Variants in NRXN1 observed in about 807,000 individuals in gnomAD.
NRXN1 encodes the protein neurexin-1.
A neutral mutation model predicts 150.9 loss-of-function variants in NRXN1; 39 were observed. The ratio of observed to expected loss-of-function variants is 0.26; its 90% confidence interval spans 0.20 to 0.34. The LOEUF (loss-of-function observed/expected upper bound fraction) is 0.34, where lower values mean the gene tolerates loss of function less well. Ranked by LOEUF, NRXN1 falls within the 10% of genes least tolerant of loss-of-function variation. The pLI is 1.00. For missense variants in NRXN1, 1,815 were observed against 1,949.9 expected (o/e 0.93, Z 1.30); for synonymous variants, 924 against 757.0 (o/e 1.22, Z -3.62).
At chr2:50,180,211 GAC>G (rs939239935) in intron 18 of NRXN1, among the ~76,000 whole-genome samples, 2 of 151,866 alleles carry the variant, frequency 1.3e-5, no homozygotes, top group African/African-American at 4.8e-5. Flanking sequence ...AATTTGTAGA[GAC>G]ACGGTCTTGC....
At chr2:50,412,568 T>G (rs1253778472) in intron 17 of NRXN1, among the ~76,000 whole-genome samples, 6 of 152,070 alleles carry the variant, frequency 3.9e-5, no homozygotes, top group South Asian at 2.1e-4. Flanking sequence ...TCACTCTTTA[T>G]AAAATTCATT....
At chr2:50,844,974 C>A (rs531434772) in intron 5 of NRXN1, among the ~76,000 whole-genome samples, 1 of 152,082 alleles carries the variant, frequency 6.6e-6, no homozygotes, top group Non-Finnish European at 1.5e-5. Context: ...CCACCTCAGC[C>A]TCTCAAGTAG....
intron 5 of NRXN1, among the ~76,000 whole-genome samples, chr2:50,667,055 T>C (rs1458963209): frequency 6.6e-6 from 1 of 151,982 alleles, no homozygotes; most frequent in African/African-American, 2.4e-5. Context: ...TTTATTACCA[T>C]ATACTTCTTC....
At chr2:50,099,225 T>C (rs1460256578) in intron 18 of NRXN1, among the ~76,000 whole-genome samples, 1 of 152,076 alleles carries the variant, frequency 6.6e-6, no homozygotes, top group East Asian at 1.9e-4. Context: ...TATATGCCCA[T>C]TTCAACCCCT....
intron 12 of NRXN1, among the ~76,000 whole-genome samples, chr2:50,527,992 C>A (rs1234000938): frequency 6.6e-6 from 1 of 152,100 alleles, no homozygotes; most frequent in Non-Finnish European, 1.5e-5. Context: ...GTCCTTATAT[C>A]CTTTCAGATT....
chr2:50,627,219 G>C (rs1559041874), intron 5 of NRXN1, among the ~76,000 whole-genome samples: 1 of 151,710 alleles, frequency 6.6e-6, no homozygotes, highest in Non-Finnish European at 1.5e-5. Context: ...ATATTACAAA[G>C]AACTTGGGTC....
intron 18 of NRXN1, among the ~76,000 whole-genome samples, chr2:50,211,846 CAG>C (rs145449016): frequency 0.36 from 54,074 of 150,578 alleles, 10,314 homozygotes; most frequent in Non-Finnish European, 0.42. Flanking sequence ...AAGAAGAAGA[CAG>C]GGTAAAAAAA....
intron 2 of NRXN1, among the ~76,000 whole-genome samples, chr2:50,975,802 T>A (rs997108693): frequency 4.6e-5 from 7 of 151,940 alleles, no homozygotes; most frequent in African/African-American, 1.7e-4. Flanking sequence ...AACTACCCCA[T>A]ACCTTTGGTA....
chr2:50,636,373 C>A (rs1048852281), intron 5 of NRXN1, among the ~76,000 whole-genome samples: 6 of 152,106 alleles, frequency 3.9e-5, no homozygotes, highest in African/African-American at 1.4e-4. Context: ...CTCACTGGGC[C>A]TCATTTTCCC....
chr2:50,169,965 T>C (rs2059928107), intron 18 of NRXN1, among the ~76,000 whole-genome samples: 1 of 152,044 alleles, frequency 6.6e-6, no homozygotes, highest in East Asian at 1.9e-4. Flanking sequence ...CCAAGAACTT[T>C]GACTTTGTTC....
chr2:50,022,279 G>C (rs895793623), intron 21 of NRXN1, among the ~76,000 whole-genome samples: 2 of 152,196 alleles, frequency 1.3e-5, no homozygotes, highest in African/African-American at 4.8e-5. Context: ...ACTGCGCCCG[G>C]CTACAGGCAA....
At chr2:50,775,167 C>T (rs956171604) in intron 5 of NRXN1, among the ~76,000 whole-genome samples, 1 of 152,154 alleles carries the variant, frequency 6.6e-6, no homozygotes, top group African/African-American at 2.4e-5. Flanking sequence ...TCCTATCCTG[C>T]ATTTCAATCT....
At chr2:50,342,693 C>T (rs764776673) in intron 17 of NRXN1, among the ~76,000 whole-genome samples, 14 of 152,204 alleles carry the variant, frequency 9.2e-5, no homozygotes, top group Non-Finnish European at 1.5e-4. Flanking sequence ...TGAAGCAAAA[C>T]GCTGGACCAT....
At chr2:50,313,298 T>C (rs2075327937) in intron 17 of NRXN1, among the ~76,000 whole-genome samples, 1 of 152,244 alleles carries the variant, frequency 6.6e-6, no homozygotes, top group Middle Eastern at 3.4e-3. Context: ...CTCACGATTA[T>C]ACTATTATGA....
chr2:50,837,056 G>C (rs1672220835), intron 5 of NRXN1, among the ~76,000 whole-genome samples: 1 of 152,006 alleles, frequency 6.6e-6, no homozygotes, highest in Non-Finnish European at 1.5e-5. Flanking sequence ...TATCCTCTCA[G>C]TTAGACTTTG....
intron 8 of NRXN1, among the ~76,000 whole-genome samples, chr2:50,599,313 C>G (rs951523766): frequency 6.6e-6 from 1 of 152,046 alleles, no homozygotes; most frequent in Non-Finnish European, 1.5e-5. Context: ...TCAGCCCTTA[C>G]AAAAATGGGC....
intron 17 of NRXN1, among the ~76,000 whole-genome samples, chr2:50,303,057 T>G (rs1257020448): frequency 2.0e-5 from 3 of 152,188 alleles, no homozygotes; most frequent in Non-Finnish European, 4.4e-5. Flanking sequence ...TCAGTCTGCC[T>G]AGAACACCAC....
intron 21 of NRXN1, among the ~76,000 whole-genome samples, chr2:49,980,698 G>T (rs1679852754): frequency 6.6e-6 from 1 of 152,080 alleles, no homozygotes. Flanking sequence ...TACAAATAGG[G>T]CACTTGGCTG....
In NRXN1 at chr2:50,446,766, T is replaced by C. The variant is rs562718399; in HGVS notation, c.3364+18676A>G. Among the ~76,000 whole-genome samples, 8 of 152,216 alleles carry C rather than the reference T, an allele frequency of 5.3e-5. No individual in the cohort carries two copies. The East Asian group carries it at 1.4e-3, about 26-fold the overall frequency. ...AACTGTGAAATCATAGGTGATTTTA[T>C]TTTGTCTTCTACTTGTTCTATATTT... On this transcript the variant is annotated intron_variant, in intron 17 of 22. Coordinates refer to ENST00000401669, the MANE Select transcript of NRXN1 (RefSeq NM_001330078.2).
Sources: gnomAD v4.1 joint callset for allele counts (sites outside exome capture counted in the v4.1 genomes callset) on GRCh38, gnomAD v4.1.1 for gene constraint, MANE v1.5 for transcripts, NCBI Gene and HGNC (gene_info 2026-07-23, HGNC 2026-07-21) for gene names.